Variants in MFAP3 observed in about 807,000 individuals in gnomAD.
The protein encoded by MFAP3 is microfibril associated protein 3.
MFAP3 carries 8 observed loss-of-function variants against 20.5 expected under a neutral mutation model. That is an observed-to-expected ratio of 0.39 (90% CI 0.23 to 0.70). The LOEUF (loss-of-function observed/expected upper bound fraction) is 0.70. Ranked by LOEUF, MFAP3 falls within the 30% of genes least tolerant of loss-of-function variation. The pLI is 0.44. For missense variants in MFAP3, 398 were observed against 444.6 expected (o/e 0.90, Z 0.94); for synonymous variants, 140 against 154.0 (o/e 0.91, Z 0.67).
chr5:154,054,788 CTTGT>C lies in MFAP3; in HGVS notation c.*1083_*1086del, dbSNP rs1035286440. 7 of 167,092 alleles carry C rather than the reference CTTGT, an allele frequency of 4.2e-5. No homozygotes were observed. Among genetic ancestry groups the C allele is most frequent in the East Asian group, 1.9e-4 (1 of 5,184 alleles). 10.4% of individuals were successfully genotyped at this position (167,092 alleles called of 1,614,324 possible). A position where few individuals can be genotyped will look rare whatever the true frequency, so the allele number is the denominator to read the frequency against. On this transcript the variant is annotated 3_prime_UTR_variant, in exon 3 of 3. Coordinates refer to ENST00000522782, the MANE Select transcript of MFAP3 (RefSeq NM_005927.5). Reference sequence around the variant, plus strand: ...TGCTATAGGTTGCATGCGTCTTTATCTTGTTTGTTTGGTTAATATTTTGTTGTTG... The same window carrying C: ...TGCTATAGGTTGCATGCGTCTTTATCTTGTTTGGTTAATATTTTGTTGTTG...
chr5:154,048,892 G>T (rs1773119728), intron 1 of MFAP3, among the ~76,000 whole-genome samples: 1 of 152,148 alleles, frequency 6.6e-6, no homozygotes, highest in Non-Finnish European at 1.5e-5. Context: ...ACTATTAAAA[G>T]AAAATTCTGT....
chr5:154,054,661 A>G lies in MFAP3; in HGVS notation c.*948A>G, dbSNP rs1275507682. The G allele has an allele frequency of 3.0e-5, 5 of 167,180 alleles. No homozygotes were observed. The allele number at this position is 167,180 out of a possible 1,614,324, so 10.4% of individuals were successfully genotyped here. On this transcript the variant is annotated 3_prime_UTR_variant, in exon 3 of 3. Transcript: ENST00000522782. ...CTTTTTAAAAGTATTGGACTCTACA[A>G]ATAGGTTCTATATTTGGGATCTCAT...
chr5:154,045,540 G>T (rs1377928479), intron 1 of MFAP3, among the ~76,000 whole-genome samples: 1 of 152,118 alleles, frequency 6.6e-6, no homozygotes, highest in Non-Finnish European at 1.5e-5. Context: ...ACTATCAAAT[G>T]TAAATTTTAG....
Position 154,055,801 on chromosome 5 carries a change from G to T in MFAP3, c.*2088G>T, listed in dbSNP as rs1773316432. Among the ~76,000 whole-genome samples, 1 of 151,924 alleles carries T rather than the reference G, an allele frequency of 6.6e-6. No homozygotes were observed. Among genetic ancestry groups the T allele is most frequent in the South Asian group, 2.1e-4 (1 of 4,826 alleles). On this transcript the variant is annotated 3_prime_UTR_variant, in exon 3 of 3. Coordinates refer to ENST00000522782, the MANE Select transcript of MFAP3 (RefSeq NM_005927.5). ...TTTTTTATTTTTTGTAGAGATGGGG[G>T]TCTCACTTTGTTGCCCAGGCTGACC...
Position 154,053,498 on chromosome 5 carries a change from C to T in MFAP3, c.874C>T (p.Arg292Trp), listed in dbSNP as rs775316370. 163 of 1,613,506 alleles carry T rather than the reference C, an allele frequency of 1.0e-4. No homozygotes were observed. Among genetic ancestry groups the T allele is most frequent in the Admixed American group, 1.5e-4 (9 of 59,940 alleles). The stretch of plus-strand genomic sequence containing the variant: ...CTATGTCATTAACCCAGAGATGGGA[C>T]GGAGTAATTCACCAGGAGGAGATTC... ...GIYVINPEMG[R>W]SNSPGGDSDD... The change falls in exon 3 of 3, where the codon CGG becomes TGG. Residue 292 changes from arginine (R) to tryptophan (W), a missense_variant. Coordinates refer to ENST00000522782, the MANE Select transcript of MFAP3 (RefSeq NM_005927.5).
intron 1 of MFAP3, among the ~76,000 whole-genome samples, chr5:154,046,399 T>G (rs757744306): frequency 6.6e-6 from 1 of 152,220 alleles, no homozygotes; most frequent in African/African-American, 2.4e-5. Flanking sequence ...CCATCAATAT[T>G]TATTGAGCAT....
rs1432797725 is a variant in MFAP3 at position 154,054,762 on chromosome 5, G to A, written c.*1049G>A. On this transcript the variant is annotated 3_prime_UTR_variant, in exon 3 of 3. Transcript: ENST00000522782. ...CCTGCCCTTTGTGGTCTTAGGTATG[G>A]TGCTATAGGTTGCATGCGTCTTTAT... 6.0e-6 allele frequency: 1 copy of A among 167,046 alleles called. No homozygotes were observed. The highest frequency in any genetic ancestry group is 1.5e-5 in the Non-Finnish European group (1 of 68,112). The allele number at this position is 167,046 out of a possible 1,614,324, so 10.3% of individuals were successfully genotyped here.
At chr5:154,040,036 C>T (rs1057377579) in intron 1 of MFAP3, among the ~76,000 whole-genome samples, 6 of 152,280 alleles carry the variant, frequency 3.9e-5, no homozygotes, top group African/African-American at 1.4e-4. Flanking sequence ...ATCATTTCCT[C>T]TGATTTTCTG....
Position 154,054,129 on chromosome 5 carries a change from C to T in MFAP3, c.*416C>T, listed in dbSNP as rs1479734827. The T allele has an allele frequency of 9.2e-5, 16 of 173,670 alleles. No individual in the cohort carries two copies. Among genetic ancestry groups the T allele is most frequent in the Non-Finnish European group, 2.8e-5 (2 of 72,292 alleles). The allele number at this position is 173,670 out of a possible 1,614,324, so 10.8% of individuals were successfully genotyped here. On this transcript the variant is annotated 3_prime_UTR_variant, in exon 3 of 3. Coordinates refer to ENST00000522782, the MANE Select transcript of MFAP3 (RefSeq NM_005927.5). ...TGTTTCTAGCTCTATAGCTTCTTAA[C>T]CCATCACCTTTAAATTACCAGAATC...
rs774524533 is a variant in MFAP3 at position 154,049,803 on chromosome 5, C to G, written c.81C>G (p.Phe27Leu). The change falls in exon 2 of 3, where the codon TTC (phenylalanine) becomes TTG (leucine). Residue 27 changes from phenylalanine to leucine, a missense_variant. Coordinates refer to ENST00000522782, the MANE Select transcript of MFAP3 (RefSeq NM_005927.5). ...PAAFVLEDVD[F>L]DQMVSLEANR... is the part of the protein sequence containing the mutation. ...CTTTTGTTTTGGAAGATGTGGACTT[C>G]GACCAAATGGTTTCACTGGAAGCAA... is the stretch of plus-strand genomic sequence containing the variant. 1 of 1,613,470 alleles carries G rather than the reference C, an allele frequency of 6.2e-7. No individual in the cohort carries two copies. The highest frequency in any genetic ancestry group is 1.3e-5 in the African/African-American group (1 of 74,872).
rs187141260 is a variant in MFAP3 at position 154,046,534 on chromosome 5, G to A, written c.-166-3023G>A. On this transcript the variant is annotated intron_variant, in intron 1 of 2. Coordinates refer to ENST00000522782, the MANE Select transcript of MFAP3 (RefSeq NM_005927.5). ...AGCGCCAGATGAGTACGGTAGGTGG[G>A]GAGGGCTCTGGGGTGAAGGAGAAGC... Among the ~76,000 whole-genome samples the A allele has an allele frequency of 2.4e-3, 365 of 152,246 alleles. 1 individual carries two copies. The highest frequency in any genetic ancestry group is 4.2e-3 in the Non-Finnish European group (287 of 68,018).
chr5:154,049,767 T>TG lies in MFAP3; in HGVS notation c.46dup (p.Val16GlyfsTer23), dbSNP rs1561590042. 8 of 1,613,566 alleles carry TG rather than the reference T, an allele frequency of 5.0e-6. No homozygotes were observed. The highest frequency in any genetic ancestry group is 1.7e-6 in the Non-Finnish European group (2 of 1,179,700). Reference sequence around the variant, plus strand: ...TATTCACTTTAGTGGCAAGTATTATTGTGCCAGCTGCTTTTGTTTTGGAAG... The same window carrying TG: ...TATTCACTTTAGTGGCAAGTATTATTGGTGCCAGCTGCTTTTGTTTTGGAAG... On this transcript the variant is annotated frameshift_variant, in exon 2 of 3. Transcript: ENST00000522782. LOFTEE classifies it high-confidence loss of function.
chr5:154,044,257 TG>T (rs1303745568), intron 1 of MFAP3, among the ~76,000 whole-genome samples: 1 of 152,250 alleles, frequency 6.6e-6, no homozygotes, highest in Non-Finnish European at 1.5e-5. Flanking sequence ...CAATGCAGTT[TG>T]TGCTGCAAGT....
At position 154,053,189 on chromosome 5, in the gene MFAP3, A is replaced by C. The variant is rs760838482; in HGVS notation, c.565A>C (p.Arg189=). ...TGAGAAGGCTATCAATGAGTTCTTT[A>C]GAACTGAAGGGGCTGAGAAACTTCA... is the stretch of plus-strand genomic sequence containing the variant. ...KTEKAINEFF[R]TEGAEKLQKA... is the part of the protein sequence containing the mutation. The change falls in exon 3 of 3, where the codon AGA becomes CGA. Residue 189 remains arginine, a synonymous_variant. Transcript: ENST00000522782. 6.2e-7 allele frequency: 1 copy of C among 1,613,982 alleles called. No individual in the cohort carries two copies. Among genetic ancestry groups the C allele is most frequent in the Admixed American group, 1.7e-5 (1 of 59,958 alleles).
rs1773342673 is a variant in MFAP3, at chr5:154,056,768, G to A, written c.*3055G>A. Among the ~76,000 whole-genome samples, 1 of 152,146 alleles carries A rather than the reference G, an allele frequency of 6.6e-6. No individual in the cohort carries two copies. The highest frequency in any genetic ancestry group is 1.5e-5 in the Non-Finnish European group (1 of 68,028). On this transcript the variant is annotated 3_prime_UTR_variant, in exon 3 of 3. Coordinates refer to ENST00000522782, the MANE Select transcript of MFAP3 (RefSeq NM_005927.5). ...GATGCCCCACTTGAGTTTATAGACTGTTTGATAACTGCCTGTCCTCCAAAT... is the reference window on the plus strand; with the variant it reads ...GATGCCCCACTTGAGTTTATAGACTATTTGATAACTGCCTGTCCTCCAAAT...
intron 1 of MFAP3, among the ~76,000 whole-genome samples, chr5:154,044,586 G>A (rs1000892272): frequency 1.3e-5 from 2 of 152,238 alleles, no homozygotes; most frequent in Non-Finnish European, 2.9e-5. Flanking sequence ...CAAAATCAGT[G>A]TGCCAGGTTT....
At chr5:154,045,168 G>C (rs932468135) in intron 1 of MFAP3, among the ~76,000 whole-genome samples, 3 of 151,984 alleles carry the variant, frequency 2.0e-5, no homozygotes, top group Non-Finnish European at 4.4e-5. Context: ...ACCCACAAGG[G>C]TCTCAATTCC....
rs1188095069 is a variant in MFAP3 at position 154,038,981 on chromosome 5, C to A, written c.-197C>A. 1 of 152,416 alleles carries A rather than the reference C, an allele frequency of 6.6e-6. No individual in the cohort carries two copies. Among genetic ancestry groups the A allele is most frequent in the African/African-American group, 2.4e-5 (1 of 41,470 alleles). 9.4% of individuals were successfully genotyped at this position (152,416 alleles called of 1,614,324 possible). A position where few individuals can be genotyped will look rare whatever the true frequency, so the allele number is the denominator to read the frequency against. On this transcript the variant is annotated 5_prime_UTR_variant, in exon 1 of 3. In the 5' UTR this introduces an upstream ATG that the reference lacks. Transcript: ENST00000522782. The stretch of plus-strand genomic sequence containing the variant: ...AGAAAACTTCCGAGTTAAGCCGCCG[C>A]TGAGGCCGGAAGGAGCTAGACGGCG...
Position 154,049,576 on chromosome 5 carries a change from T to G in MFAP3, c.-147T>G. 1.3e-6 allele frequency: 1 copy of G among 782,752 alleles called. No individual in the cohort carries two copies. Among genetic ancestry groups the G allele is most frequent in the Non-Finnish European group, 2.0e-6 (1 of 503,508 alleles). 48.5% of individuals were successfully genotyped at this position (782,752 alleles called of 1,614,324 possible). ...TTTTAGGTTCTCTACTCACATCTTT[T>G]AATCTTGAAGACTAGAAAATATAAC... On this transcript the variant is annotated 5_prime_UTR_variant, in exon 2 of 3. Coordinates refer to ENST00000522782, the MANE Select transcript of MFAP3 (RefSeq NM_005927.5).
Sources: allele counts gnomAD v4.1 joint callset (sites outside exome capture counted in the v4.1 genomes callset), GRCh38; gene constraint gnomAD v4.1.1; transcripts MANE v1.5; gene names NCBI Gene and HGNC (gene_info 2026-07-23, HGNC 2026-07-21).